SRRM4: variants seen among roughly 807,000 people sequenced by gnomAD.
SRRM4 encodes serine/arginine repetitive matrix protein 4.
SRRM4 carries 33 observed loss-of-function variants against 68.9 expected under a neutral mutation model. That is an observed-to-expected ratio of 0.48 (90% CI 0.36 to 0.64). The LOEUF (loss-of-function observed/expected upper bound fraction) is 0.64. Among genes scored for constraint, SRRM4 ranks in the 30% least tolerant of loss-of-function variants. SRRM4 has a pLI of 0.00. For missense variants in SRRM4, 817 were observed against 827.1 expected (o/e 0.99, Z 0.15); for synonymous variants, 318 against 318.8 (o/e 1.00, Z 0.03).
chr12:119,145,340 C>T (rs940715340), intron 8 of SRRM4, 41 bp from the exon 9 acceptor site: 34 of 1,553,802 alleles, frequency 2.2e-5, no homozygotes, highest in Non-Finnish European at 2.8e-5. Context: ...AGCCCATGGG[C>T]CCAGCGCTCA....
At position 119,018,386 on chromosome 12, in the gene SRRM4, G is replaced by A. The variant is rs187036143; in HGVS notation, c.131+36373G>A. Among the ~76,000 whole-genome samples, 15 of 152,320 alleles carry A rather than the reference G, an allele frequency of 9.8e-5. No homozygotes were observed. The East Asian group carries it at 2.7e-3, about 27-fold the overall frequency. On this transcript the variant is annotated intron_variant, in intron 1 of 12. Coordinates refer to ENST00000267260, the MANE Select transcript of SRRM4 (RefSeq NM_194286.4). ...GTATGAAACATGCTGAGGAAATTCA[G>A]CATCGACTTCAGTTGGCCATCTTGG...
intron 1 of SRRM4, among the ~76,000 whole-genome samples, chr12:119,056,626 T>A (rs1349268448): frequency 6.6e-6 from 1 of 152,200 alleles, no homozygotes; most frequent in East Asian, 1.9e-4. Flanking sequence ...TCAAACCCAC[T>A]AAGCTATCTG....
At chr12:119,048,476 T>A (rs968162245) in intron 1 of SRRM4, among the ~76,000 whole-genome samples, 1 of 152,164 alleles carries the variant, frequency 6.6e-6, no homozygotes, top group African/African-American at 2.4e-5. Context: ...TTGCCTGGGA[T>A]ACAGTTTTCC....
intron 1 of SRRM4, chr12:119,001,228 G>A (rs750902086): frequency 1.5e-4 from 23 of 152,326 alleles, no homozygotes; most frequent in Non-Finnish European, 2.9e-4. Flanking sequence ...GGTGCAGCTG[G>A]AAGATGAGGA....
chr12:119,151,261 C>T, intron 10 of SRRM4, 41 bp downstream of exon 10: 1 of 1,563,896 alleles, frequency 6.4e-7, no homozygotes, highest in Non-Finnish European at 8.8e-7. Flanking sequence ...CACCTTTCTC[C>T]TTAGGAAATT....
intron 8 of SRRM4, among the ~76,000 whole-genome samples, chr12:119,136,904 T>C (rs1442749848): frequency 6.6e-6 from 1 of 152,130 alleles, no homozygotes; most frequent in East Asian, 1.9e-4. Context: ...CCCCATGGGA[T>C]AGCCCCAGCC....
chr12:119,098,075 C>G (rs1954056199), intron 1 of SRRM4, among the ~76,000 whole-genome samples: 1 of 152,196 alleles, frequency 6.6e-6, no homozygotes, highest in African/African-American at 2.4e-5. Flanking sequence ...TTCTGCCTTG[C>G]TCTCTTGGAT....
At chr12:119,066,149 T>TA (rs1256611431) in intron 1 of SRRM4, among the ~76,000 whole-genome samples, 4 of 152,236 alleles carry the variant, frequency 2.6e-5, no homozygotes, top group Admixed American at 6.5e-5. Flanking sequence ...GTCTCAGTCC[T>TA]AATGTGTCAT....
At chr12:118,994,515 G>C (rs1953337357) in intron 1 of SRRM4, among the ~76,000 whole-genome samples, 1 of 152,174 alleles carries the variant, frequency 6.6e-6, no homozygotes, top group South Asian at 2.1e-4. Flanking sequence ...AAAATAGCGT[G>C]CTCTGCATTC....
chr12:119,017,731 C>A (rs1430170070), intron 1 of SRRM4, among the ~76,000 whole-genome samples: 2 of 152,156 alleles, frequency 1.3e-5, no homozygotes, highest in African/African-American at 2.4e-5. Context: ...TCCGTCTCAT[C>A]TTTGCTCTAG....
chr12:119,018,814 TCA>T (rs1021831989), intron 1 of SRRM4, among the ~76,000 whole-genome samples: 2 of 152,134 alleles, frequency 1.3e-5, no homozygotes, highest in African/African-American at 4.8e-5. Context: ...TTTTGTATCC[TCA>T]GTTTTTTAAA....
rs1178294211 is a variant in SRRM4, at chr12:119,161,145, A to G, written c.*4347A>G. On this transcript the variant is annotated 3_prime_UTR_variant, in exon 13 of 13. Coordinates refer to ENST00000267260, the MANE Select transcript of SRRM4 (RefSeq NM_194286.4). Reference sequence around the variant, plus strand: ...GTTTTCCTTCTCCAGTCCAACTTTCATCTTTTCTTCTGCTGTTTTCTTTTC... The same window carrying G: ...GTTTTCCTTCTCCAGTCCAACTTTCGTCTTTTCTTCTGCTGTTTTCTTTTC... 6.6e-6 allele frequency: 1 copy of G among 152,180 alleles called. No homozygotes were observed. The highest frequency in any genetic ancestry group is 2.4e-5 in the African/African-American group (1 of 41,442). The allele number at this position is 152,180 out of a possible 1,614,324, so 9.4% of individuals were successfully genotyped here.
At chr12:119,057,392 G>A (rs1225489642) in intron 1 of SRRM4, among the ~76,000 whole-genome samples, 6 of 152,070 alleles carry the variant, frequency 3.9e-5, no homozygotes, top group African/African-American at 9.6e-5. Context: ...TCCCCTCCCC[G>A]TGTCCATGTG....
rs35250419 is a variant in SRRM4 at position 118,998,268 on chromosome 12, C to CAAAAAAAAA, written c.131+16278_131+16286dup. Among the ~76,000 whole-genome samples the CAAAAAAAAA allele has an allele frequency of 2.1e-3, 76 of 36,582 alleles. 13 individuals are homozygous for CAAAAAAAAA. Among genetic ancestry groups the CAAAAAAAAA allele is most frequent in the African/African-American group, 3.4e-3 (29 of 8,598 alleles). 24.0% of individuals were successfully genotyped at this position (36,582 alleles called of 152,430 possible). A position where few individuals can be genotyped will look rare whatever the true frequency, so the allele number is the denominator to read the frequency against. ...AACTGAGTGGATAAGAGCAATATGG[C>CAAAAAAAAA]AAAAAAAAAAAAAAAAAAAAAAAAA... is the stretch of plus-strand genomic sequence containing the variant. On this transcript the variant is annotated intron_variant, in intron 1 of 12. Coordinates refer to ENST00000267260, the MANE Select transcript of SRRM4 (RefSeq NM_194286.4).
Position 119,127,785 on chromosome 12 carries a change from G to T in SRRM4, c.614+2306G>T, listed in dbSNP as rs960414327. ...AAAAAGGGAGAAGGAGAAGGTAGAA[G>T]GGGGAGAAGGAGAAAGAGGAGGCAG... On this transcript the variant is annotated intron_variant, in intron 7 of 12. Transcript: ENST00000267260. 1.8e-4 allele frequency among the ~76,000 whole-genome samples: 27 copies of T among 152,060 alleles called. 1 individual carries two copies. In the East Asian group the frequency reaches 5.0e-3, roughly 28 times the overall value.
In SRRM4 at chr12:118,981,900, A is replaced by G. The variant is rs745390148; in HGVS notation, c.18A>G (p.Gln6=). The change falls in exon 1 of 13, where the codon CAA becomes CAG. Residue 6 remains glutamine (Q), a synonymous_variant. Transcript: ENST00000267260. ...GGTTGGCGATGGCGAGCGTTCAGCA[A>G]GGCGAGAAGCAGCTTTTTGAGAAGT... MASVQ[Q]GEKQLFEKFW... is the part of the protein sequence containing the mutation. The G allele has an allele frequency of 1.9e-6, 3 of 1,613,668 alleles. No individual in the cohort carries two copies. The highest frequency in any genetic ancestry group is 2.5e-6 in the Non-Finnish European group (3 of 1,179,800).
chr12:119,099,729 G>A (rs772850186), intron 1 of SRRM4, among the ~76,000 whole-genome samples: 16 of 152,170 alleles, frequency 1.1e-4, no homozygotes, highest in Non-Finnish European at 1.9e-4. Context: ...CCTCTTCCAA[G>A]GTGGCTCACT....
intron 1 of SRRM4, among the ~76,000 whole-genome samples, chr12:118,995,198 G>C (rs1218229759): frequency 6.6e-6 from 1 of 152,180 alleles, no homozygotes; most frequent in Admixed American, 6.5e-5. Context: ...CTGCTCAACT[G>C]CTTTTTGAGG....
chr12:119,016,372 C>T (rs1046720464), intron 1 of SRRM4, among the ~76,000 whole-genome samples: 22 of 151,718 alleles, frequency 1.5e-4, no homozygotes, highest in African/African-American at 5.3e-4. Flanking sequence ...TTTCACATCA[C>T]ACTCTATGAG....
Sources: allele counts gnomAD v4.1 joint callset (sites outside exome capture counted in the v4.1 genomes callset), GRCh38; gene constraint gnomAD v4.1.1; transcripts MANE v1.5; gene names NCBI Gene and HGNC (gene_info 2026-07-23, HGNC 2026-07-21).